SOX5: variants seen among roughly 807,000 people sequenced by gnomAD.
The protein encoded by SOX5 is SRY-box transcription factor 5, also known as transcription factor SOX-5.
In SOX5, 9 loss-of-function variants were observed where a neutral mutation model predicts 92.0. The ratio of observed to expected loss-of-function variants is 0.10; its 90% CI spans 0.06 to 0.17. The LOEUF (loss-of-function observed/expected upper bound fraction) is 0.17, where lower values mean the gene tolerates loss of function less well. SOX5 is among the 10% of genes least tolerant of loss of function. The probability of loss-of-function intolerance (pLI) is 1.00; values close to 1 mark genes in which losing one functional copy is unlikely to be tolerated. For missense variants in SOX5, 642 were observed against 944.5 expected (o/e 0.68, Z 4.20); for synonymous variants, 344 against 336.3 (o/e 1.02, Z -0.25).
At chr12:23,795,738 C>T (rs1438046704) in intron 3 of SOX5, among the ~76,000 whole-genome samples, 3 of 152,092 alleles carry the variant, frequency 2.0e-5, no homozygotes, top group Non-Finnish European at 4.4e-5. Context: ...AAGGTTGCTG[C>T]TATACAATGA....
At chr12:24,344,234 G>T (rs1020021575) in intron 2 of SOX5, among the ~76,000 whole-genome samples, 3 of 140,106 alleles carry the variant, frequency 2.1e-5, no homozygotes, top group African/African-American at 8.2e-5. Context: ...AGTGAGCCGA[G>T]ATCGTGCCAC....
At position 23,678,085 on chromosome 12, in the gene SOX5, CAT is replaced by C. The variant is rs535395252; in HGVS notation, c.811-12523_811-12522del. On this transcript the variant is annotated intron_variant, in intron 6 of 14. Coordinates refer to ENST00000451604, the MANE Select transcript of SOX5 (RefSeq NM_006940.6). ...AGAACACTTGTCACTGAAAATAAAA[CAT>C]GTGTGAAATTACCAAAAAGGCCATG... is the stretch of plus-strand genomic sequence containing the variant. Among the ~76,000 whole-genome samples, 530 of 152,174 alleles carry C rather than the reference CAT, an allele frequency of 3.5e-3. 2 individuals carry two copies. The highest frequency in any genetic ancestry group is 0.011 in the African/African-American group (477 of 41,540).
At chr12:23,769,267 CTCT>C (rs2094842992) in intron 3 of SOX5, among the ~76,000 whole-genome samples, 1 of 151,806 alleles carries the variant, frequency 6.6e-6, no homozygotes, top group African/African-American at 2.4e-5. Context: ...TTAATTGAAT[CTCT>C]TGTTTCCATA....
chr12:24,459,145 C>T (rs1258657150), intron 1 of SOX5, among the ~76,000 whole-genome samples: 2 of 152,160 alleles, frequency 1.3e-5, no homozygotes, highest in Non-Finnish European at 2.9e-5. Flanking sequence ...ACCTTTCTTA[C>T]AGAAATATAT....
chr12:23,775,836 C>T (rs1015999650), intron 3 of SOX5, among the ~76,000 whole-genome samples: 1 of 152,282 alleles, frequency 6.6e-6, no homozygotes, highest in Admixed American at 6.5e-5. Context: ...TATCTTAACT[C>T]ATATTTCACT....
At chr12:23,757,806 C>T (rs998164569) in intron 3 of SOX5, among the ~76,000 whole-genome samples, 1 of 151,608 alleles carries the variant, frequency 6.6e-6, no homozygotes, top group African/African-American at 2.4e-5. Flanking sequence ...AAAGCTTTTC[C>T]CCTGCAGCTA....
chr12:23,878,420 T>C (rs2096952523), intron 2 of SOX5, among the ~76,000 whole-genome samples: 1 of 152,114 alleles, frequency 6.6e-6, no homozygotes. Context: ...ATGTAGTTTA[T>C]TTAGTGTATA....
chr12:23,912,221 A>G (rs1429794852), intron 1 of SOX5, among the ~76,000 whole-genome samples: 1 of 152,170 alleles, frequency 6.6e-6, no homozygotes, highest in African/African-American at 2.4e-5. Context: ...CAGAAGATAT[A>G]CAAATGATCA....
At chr12:24,119,053 A>G (rs1948364010) in intron 4 of SOX5, among the ~76,000 whole-genome samples, 1 of 151,902 alleles carries the variant, frequency 6.6e-6, no homozygotes, top group Admixed American at 6.6e-5. Context: ...TTTTTTTAAT[A>G]TTTGGTCACA....
intron 4 of SOX5, among the ~76,000 whole-genome samples, chr12:24,176,321 C>A (rs1954807002): frequency 6.6e-6 from 1 of 151,774 alleles, no homozygotes; most frequent in Non-Finnish European, 1.5e-5. Context: ...AGGACGAGAC[C>A]CTGTTTTGGG....
chr12:23,951,001 A>ACT (rs1376605866), upstream of SOX5: 4 of 687,762 alleles, frequency 5.8e-6, no homozygotes, highest in African/African-American at 3.6e-5. Flanking sequence ...ACACACACAC[A>ACT]CACTCACTCA....
At chr12:24,094,352 T>A (rs2137832507) in intron 4 of SOX5, among the ~76,000 whole-genome samples, 1 of 152,326 alleles carries the variant, frequency 6.6e-6, no homozygotes, top group South Asian at 2.1e-4. Flanking sequence ...TTATTACCTT[T>A]GTCTGTTTTG....
At chr12:23,814,039 C>A (rs192586109) in intron 3 of SOX5, among the ~76,000 whole-genome samples, 4 of 151,850 alleles carry the variant, frequency 2.6e-5, no homozygotes, top group Admixed American at 6.6e-5. Context: ...TATTAAAATG[C>A]TTTTTCTTTT....
At chr12:24,046,790 T>C (rs1246071232) in intron 4 of SOX5, among the ~76,000 whole-genome samples, 1 of 151,270 alleles carries the variant, frequency 6.6e-6, no homozygotes, top group Non-Finnish European at 1.5e-5. Flanking sequence ...AGCCATTCTC[T>C]TACCTCAGCC....
intron 4 of SOX5, among the ~76,000 whole-genome samples, chr12:24,045,337 G>A (rs77548768): frequency 0.044 from 6,729 of 152,246 alleles, 151 homozygotes; most frequent in East Asian, 0.065. Flanking sequence ...GCATCTGTAC[G>A]TATTAGGTAC....
chr12:23,923,693 C>T (rs1353390243), intron 1 of SOX5, among the ~76,000 whole-genome samples: 1 of 152,082 alleles, frequency 6.6e-6, no homozygotes, highest in African/African-American at 2.4e-5. Context: ...GGTTTAGGGT[C>T]TTCCATAGCC....
At chr12:24,075,279 A>T (rs990046833) in intron 4 of SOX5, among the ~76,000 whole-genome samples, 4 of 46,872 alleles carry the variant, frequency 8.5e-5, no homozygotes, top group Non-Finnish European at 1.3e-4. Flanking sequence ...CAAATTATTA[A>T]AAAAAAAAAA....
chr12:24,262,830 A>G (rs1275806330), intron 3 of SOX5, among the ~76,000 whole-genome samples: 1 of 152,202 alleles, frequency 6.6e-6, no homozygotes, highest in Non-Finnish European at 1.5e-5. Context: ...CTTCTGACAA[A>G]AGACTAGAGA....
intron 8 of SOX5, among the ~76,000 whole-genome samples, chr12:23,625,903 G>A (rs567562144): frequency 2.1e-4 from 32 of 152,226 alleles, no homozygotes; most frequent in East Asian, 7.8e-4. Flanking sequence ...CACCGCGCCC[G>A]GCCTCAAGCA....
Sources: allele counts gnomAD v4.1 joint callset (sites outside exome capture counted in the v4.1 genomes callset), GRCh38; gene constraint gnomAD v4.1.1; transcripts MANE v1.5; gene names NCBI Gene and HGNC (gene_info 2026-07-23, HGNC 2026-07-21).